The following CRKL variants were observed in gnomAD, a reference collection of about 807,000 sequenced individuals.
The protein encoded by CRKL is crk-like protein.
Under a neutral mutation model 23.0 loss-of-function variants are expected in CRKL, and 3 were observed. The observed-to-expected ratio is 0.13, with a 90% CI of 0.06 to 0.34. The LOEUF is 0.34. Ranked by LOEUF, CRKL falls within the 10% of genes least tolerant of loss-of-function variation. The pLI is 1.00. For missense variants in CRKL, 256 were observed against 394.5 expected, an observed-to-expected ratio of 0.65 and a Z score of 2.97; for synonymous variants, 188 against 160.7, an observed-to-expected ratio of 1.17 and a Z score of -1.28.
chr22:20,927,128 A>AAAAAAAAAAAAAAAGAAAG (rs1555918902), intron 1 of CRKL, among the ~76,000 whole-genome samples: 6 of 125,766 alleles, frequency 4.8e-5, no homozygotes, highest in East Asian at 3.1e-4. Context: ...AAAAAAAAAA[A>AAAAAAAAAAAAAAAGAAAG]AAAAAAAAGA....
chr22:20,917,678 G>C lies in CRKL; in HGVS notation c.-257G>C. 1 of 514,802 alleles carries C rather than the reference G, an allele frequency of 1.9e-6. No individual in the cohort carries two copies. Among genetic ancestry groups the C allele is most frequent in the South Asian group, 2.7e-5 (1 of 36,538 alleles). 31.9% of individuals were successfully genotyped at this position (514,802 alleles called of 1,614,324 possible). ...GTGGCCTCCGCTGCGGCTCGGGTTT[G>C]CCTGCCCCGACCCCCCGGCTCTGCC... On this transcript the variant is annotated 5_prime_UTR_variant, in exon 1 of 3. Coordinates refer to ENST00000354336, the MANE Select transcript of CRKL (RefSeq NM_005207.4).
At position 20,951,129 on chromosome 22, in the gene CRKL, C is replaced by T. The variant is rs777279089; in HGVS notation, c.*1284C>T. On this transcript the variant is annotated 3_prime_UTR_variant, in exon 3 of 3. Coordinates refer to ENST00000354336, the MANE Select transcript of CRKL (RefSeq NM_005207.4). ...AGACTTAAACTTCCTTAAAAAGTGG[C>T]GTTGTTCATAGAATCGTTGGACTCA... is the stretch of plus-strand genomic sequence containing the variant. 9 of 231,968 alleles carry T rather than the reference C, an allele frequency of 3.9e-5. No homozygotes were observed. Among genetic ancestry groups the T allele is most frequent in the Middle Eastern group, 1.3e-3 (1 of 800 alleles). The allele number at this position is 231,968 out of a possible 1,614,324, so 14.4% of individuals were successfully genotyped here. A position where few individuals can be genotyped will look rare whatever the true frequency, so the allele number is the denominator to read the frequency against.
At chr22:20,921,007 T>C (rs1254581274) in intron 1 of CRKL, among the ~76,000 whole-genome samples, 1 of 152,228 alleles carries the variant, frequency 6.6e-6, no homozygotes, top group Non-Finnish European at 1.5e-5. Flanking sequence ...TACTTTGTTA[T>C]ACTGAATCTT....
intron 1 of CRKL, among the ~76,000 whole-genome samples, chr22:20,932,560 A>G (rs1921494621): frequency 6.6e-6 from 1 of 152,088 alleles, no homozygotes; most frequent in Admixed American, 6.6e-5. Flanking sequence ...TGGTTGTGAC[A>G]AGGGTCCAAA....
In CRKL at chr22:20,918,037, A is replaced by T. The variant is rs746762587; in HGVS notation, c.103A>T (p.Met35Leu). 6.2e-7 allele frequency: 1 copy of T among 1,614,138 alleles called. No homozygotes were observed. The highest frequency in any genetic ancestry group is 8.5e-7 in the Non-Finnish European group (1 of 1,180,026). ...CCGGCTCCAGGGCCAGCGCCACGGT[A>T]TGTTCCTCGTCCGCGATTCTTCCAC... is the stretch of plus-strand genomic sequence containing the variant. ...QTRLQGQRHG[M>L]FLVRDSSTCP... Residue 35 changes from methionine to leucine, a missense_variant, in exon 1 of 3, where the codon ATG becomes TTG. By Grantham distance (15) the Met-to-Leu change is conservative. Coordinates refer to ENST00000354336, the MANE Select transcript of CRKL (RefSeq NM_005207.4).
intron 2 of CRKL, among the ~76,000 whole-genome samples, chr22:20,937,813 T>A (rs1400936070): frequency 6.6e-6 from 1 of 152,090 alleles, no homozygotes; most frequent in East Asian, 1.9e-4. Context: ...CTTTACCAAA[T>A]TCCATTTAGT....
At chr22:20,947,061 G>A (rs1292028253) in intron 2 of CRKL, among the ~76,000 whole-genome samples, 6 of 152,162 alleles carry the variant, frequency 3.9e-5, no homozygotes. Flanking sequence ...AGGCACTAAT[G>A]GTCAAGGGGC....
intron 1 of CRKL, among the ~76,000 whole-genome samples, chr22:20,919,886 T>A (rs1920972644): frequency 6.6e-6 from 1 of 151,054 alleles, no homozygotes; most frequent in Non-Finnish European, 1.5e-5. Flanking sequence ...GATTAACTAC[T>A]GAACTAAATG....
At chr22:20,944,493 C>T (rs1196487745) in intron 2 of CRKL, among the ~76,000 whole-genome samples, 2 of 152,110 alleles carry the variant, frequency 1.3e-5, no homozygotes, top group Non-Finnish European at 2.9e-5. Context: ...CAACCTCCAC[C>T]TCCCTGGTTC....
chr22:20,944,069 CA>C (rs202094880), intron 2 of CRKL, among the ~76,000 whole-genome samples: 11 of 134,096 alleles, frequency 8.2e-5, no homozygotes, highest in Admixed American at 1.5e-4. Flanking sequence ...CCCATTGCTG[CA>C]AAAAAAAAGG....
At chr22:20,939,390 G>A (rs1188656397) in intron 2 of CRKL, among the ~76,000 whole-genome samples, 1 of 141,494 alleles carries the variant, frequency 7.1e-6, no homozygotes, top group Non-Finnish European at 1.5e-5. Flanking sequence ...ACAGGCACCT[G>A]CCACCACGCC....
chr22:20,941,585 TA>T lies in CRKL; in HGVS notation c.777+7342del, dbSNP rs1569136950. ...GTGTGTGTGTGTGTGTGTGTATATA[TA>T]TATTTTTTTTTTTTTTTTTTTTTTT... On this transcript the variant is annotated intron_variant, in intron 2 of 2. Transcript: ENST00000354336. 4.1e-4 allele frequency among the ~76,000 whole-genome samples: 29 copies of T among 70,302 alleles called. 5 individuals are homozygous for T. Among genetic ancestry groups the T allele is most frequent in the African/African-American group, 1.4e-3 (28 of 19,618 alleles). The allele number at this position is 70,302 out of a possible 152,430, so 46.1% of individuals were successfully genotyped here.
rs2147891300 is a variant in CRKL at position 20,917,965 on chromosome 22, C to T, written c.31C>T (p.Arg11Cys). MSSARFDSSD[R>C]SAWYMGPVSR... is the part of the protein sequence containing the mutation. ...CTCCGCCAGGTTCGACTCCTCGGAC[C>T]GCTCCGCCTGGTATATGGGGCCGGT... Residue 11 changes from arginine (R) to cysteine (C), a missense_variant, in exon 1 of 3, where the codon CGC (arginine) becomes TGC (cysteine). Coordinates refer to ENST00000354336, the MANE Select transcript of CRKL (RefSeq NM_005207.4). The T allele has an allele frequency of 6.2e-7, 1 of 1,614,070 alleles. No individual in the cohort carries two copies.
intron 2 of CRKL, among the ~76,000 whole-genome samples, chr22:20,939,868 A>AC (rs1189697640): frequency 7.2e-6 from 1 of 139,638 alleles, no homozygotes; most frequent in African/African-American, 2.7e-5. Flanking sequence ...GGCTCACTGC[A>AC]CCCTCTACCT....
chr22:20,943,077 T>C (rs1179051426), intron 2 of CRKL, among the ~76,000 whole-genome samples: 1 of 152,150 alleles, frequency 6.6e-6, no homozygotes, highest in Non-Finnish European at 1.5e-5. Context: ...GCCATCCTAG[T>C]AGGTGTGAAG....
At chr22:20,924,746 A>T (rs539035220) in intron 1 of CRKL, among the ~76,000 whole-genome samples, 39 of 152,292 alleles carry the variant, frequency 2.6e-4, no homozygotes, top group African/African-American at 9.4e-4. Flanking sequence ...GGCTAAAGGC[A>T]GGAGAATCAC....
chr22:20,930,256 G>A lies in CRKL; in HGVS notation c.312-3523G>A, dbSNP rs565849464. Among the ~76,000 whole-genome samples the A allele has an allele frequency of 2.2e-3, 339 of 152,320 alleles. 2 individuals are homozygous for A. Among genetic ancestry groups the A allele is most frequent in the Admixed American group, 4.8e-3 (73 of 15,288 alleles). ...AGATGGGGGATCAGCAAACTGTTGA[G>A]TAAAGGGTCAGATTTTAAATATTTT... On this transcript the variant is annotated intron_variant, in intron 1 of 2. Coordinates refer to ENST00000354336, the MANE Select transcript of CRKL (RefSeq NM_005207.4).
At chr22:20,920,580 A>G (rs944566184) in intron 1 of CRKL, among the ~76,000 whole-genome samples, 1 of 152,012 alleles carries the variant, frequency 6.6e-6, no homozygotes, top group African/African-American at 2.4e-5. Context: ...CTCTATCCAC[A>G]GAATCGCCTC....
rs145156356 is a variant in CRKL, at chr22:20,934,022, A to G, written c.555A>G (p.Ser185=). The G allele has an allele frequency of 3.1e-6, 5 of 1,614,162 alleles. No homozygotes were observed. Among genetic ancestry groups the G allele is most frequent in the Non-Finnish European group, 4.2e-6 (5 of 1,180,034 alleles). The stretch of plus-strand genomic sequence containing the variant: ...ATGTCGAAAAGCTTGTGAGATCCTC[A>G]CCACACGGAAAGCATGGAAATAGGA... ...VPYVEKLVRS[S]PHGKHGNRNS... Residue 185 remains serine, a synonymous_variant, in exon 2 of 3, where the codon TCA becomes TCG. Transcript: ENST00000354336.
Sources: gnomAD v4.1 joint callset for allele counts (sites outside exome capture counted in the v4.1 genomes callset) on GRCh38, gnomAD v4.1.1 for gene constraint, MANE v1.5 for transcripts, NCBI Gene and HGNC (gene_info 2026-07-23, HGNC 2026-07-21) for gene names.